ANK1: variants seen among roughly 807,000 people sequenced by gnomAD.
ANK1 encodes the protein ankyrin 1.
A neutral mutation model predicts 210.4 loss-of-function variants in ANK1; 51 were observed. The ratio of observed to expected loss-of-function variants is 0.24; its 90% confidence interval spans 0.19 to 0.31. The LOEUF is 0.31. ANK1 is among the 10% of genes least tolerant of loss of function. ANK1 has a pLI of 1.00. For synonymous variants in ANK1, 967 were observed against 1,025.9 expected, an observed-to-expected ratio of 0.94 and a Z score of 1.10; for missense variants, 2,051 against 2,504.4, an observed-to-expected ratio of 0.82 and a Z score of 3.86.
intron 2 of ANK1, among the ~76,000 whole-genome samples, chr8:41,743,776 A>C (rs1257428680): frequency 6.6e-6 from 1 of 152,064 alleles, no homozygotes; most frequent in African/African-American, 2.4e-5. Context: ...CTGGGCTGGA[A>C]CCAGAAATAT....
At chr8:41,782,629 T>A (rs1321218571) in intron 1 of ANK1, among the ~76,000 whole-genome samples, 1 of 152,194 alleles carries the variant, frequency 6.6e-6, no homozygotes, top group Non-Finnish European at 1.5e-5. Context: ...TTGAGAACTG[T>A]CTCAGGGGGT....
intron 1 of ANK1, among the ~76,000 whole-genome samples, chr8:41,766,656 G>T (rs1426220252): frequency 2.0e-5 from 3 of 152,166 alleles, no homozygotes; most frequent in Non-Finnish European, 4.4e-5. Context: ...GGAAGACCTG[G>T]CTGAGATGCA....
chr8:41,709,254 G>A (rs1480012349), intron 16 of ANK1, among the ~76,000 whole-genome samples: 1 of 152,228 alleles, frequency 6.6e-6, no homozygotes, highest in African/African-American at 2.4e-5. Flanking sequence ...AGAATAACAG[G>A]AAGGCTGGGT....
In ANK1 at chr8:41,684,611, G is replaced by C; in HGVS notation, c.4470C>G (p.Ser1490Arg). The C allele has an allele frequency of 6.2e-7, 1 of 1,613,870 alleles. No individual in the cohort carries two copies. Residue 1490 changes from serine (S) to arginine (R), a missense_variant, in exon 37 of 43, where the codon AGC becomes AGG. Around this residue, in one of 6 missense-constraint regions of ANK1, gnomAD observed 496 missense variants for 533.4 expected, o/e 0.93. Coordinates refer to ENST00000289734, the MANE Select transcript of ANK1 (RefSeq NM_000037.4). The part of the protein sequence containing the change: ...VNMLEGSGRQ[S>R]RNLKPDRRHT... ...GCCGCCTGTCTGGCTTCAAGTTGCG[G>C]CTCTGTCGGCCGGAACCCTCCAGCA...
intron 1 of ANK1, among the ~76,000 whole-genome samples, chr8:41,787,111 A>C (rs1846572897): frequency 6.6e-6 from 1 of 152,156 alleles, no homozygotes; most frequent in Non-Finnish European, 1.5e-5. Context: ...AGGGGACCAG[A>C]GGGTGAGGAG....
At chr8:41,724,433 G>T in intron 7 of ANK1, 23 bp downstream of exon 7, 2 of 1,545,098 alleles carry the variant, frequency 1.3e-6, no homozygotes, top group South Asian at 1.2e-5. Context: ...CGGACAGTGA[G>T]GGCGCACGTG....
In ANK1 at chr8:41,657,490, T is replaced by G. The variant is rs866372607; in HGVS notation, c.*37-1737A>C. On this transcript the variant is annotated intron_variant, in intron 42 of 42. Coordinates refer to ENST00000289734, the MANE Select transcript of ANK1 (RefSeq NM_000037.4). ...GTTACCGTCTCTGTCCATCTGTGCT[T>G]TTTGATGTCTGCATATTTCCCTGAC... Among the ~76,000 whole-genome samples the G allele has an allele frequency of 3.3e-5, 5 of 152,240 alleles. No individual in the cohort carries two copies. In the South Asian group the frequency reaches 1.0e-3, roughly 31 times the overall value.
At chr8:41,667,993 T>G (rs1297680543) in intron 39 of ANK1, among the ~76,000 whole-genome samples, 1 of 152,194 alleles carries the variant, frequency 6.6e-6, no homozygotes, top group African/African-American at 2.4e-5. Context: ...AGACCCAGCT[T>G]AGAGCCCACT....
chr8:41,732,913 T>C (rs1032434259), intron 3 of ANK1, among the ~76,000 whole-genome samples: 6 of 152,100 alleles, frequency 3.9e-5, no homozygotes, highest in African/African-American at 1.2e-4. Flanking sequence ...AATTTTTGTA[T>C]TTTTAGTAGA....
At chr8:41,701,834 A>T (rs1359008366) in intron 21 of ANK1, among the ~76,000 whole-genome samples, 3 of 151,920 alleles carry the variant, frequency 2.0e-5, no homozygotes, top group Non-Finnish European at 2.9e-5. Flanking sequence ...CATCCACTCC[A>T]CTGCTGCCCG....
At chr8:41,852,031 C>G (rs1327922973) in intron 1 of ANK1, among the ~76,000 whole-genome samples, 1 of 152,122 alleles carries the variant, frequency 6.6e-6, no homozygotes, top group Non-Finnish European at 1.5e-5. Flanking sequence ...CATTTTATAA[C>G]TGAGGAAACT....
chr8:41,716,804 A>G (rs1707270210), intron 13 of ANK1, 149 bp downstream of exon 13: 1 of 820,386 alleles, frequency 1.2e-6, no homozygotes, highest in South Asian at 1.4e-5. Flanking sequence ...TGCAAAGCAG[A>G]ATCTGGGCGC....
intron 2 of ANK1, among the ~76,000 whole-genome samples, chr8:41,744,167 C>T (rs521184): frequency 0.5 from 76,549 of 151,978 alleles, 21,106 homozygotes; most frequent in East Asian, 0.77. Context: ...CAGGTTGAAA[C>T]GAAGACAAAT....
chr8:41,744,696 A>G (rs1410243082), intron 2 of ANK1, among the ~76,000 whole-genome samples: 2 of 151,938 alleles, frequency 1.3e-5, no homozygotes, highest in Admixed American at 6.6e-5. Context: ...CACCACGCCC[A>G]GCTAATTTTT....
chr8:41,895,901 G>GCC (rs386412644), intron 1 of ANK1, among the ~76,000 whole-genome samples: 218 of 150,074 alleles, frequency 1.5e-3, no homozygotes, highest in African/African-American at 2.1e-3. Context: ...GGGCAGAGCT[G>GCC]CCCCCCCCCG....
At chr8:41,831,664 AAAAG>A (rs1421623798) in intron 1 of ANK1, among the ~76,000 whole-genome samples, 68 of 151,316 alleles carry the variant, frequency 4.5e-4, no homozygotes, top group African/African-American at 1.6e-3. Flanking sequence ...AAGAAGAAGA[AAAAG>A]AAAAAAGGAA....
intron 22 of ANK1, among the ~76,000 whole-genome samples, chr8:41,700,134 G>A (rs1440489556): frequency 1.3e-5 from 2 of 152,240 alleles, no homozygotes; most frequent in African/African-American, 4.8e-5. Flanking sequence ...TGCCACCCAG[G>A]AGTGAGCACC....
chr8:41,684,691 CTG>C lies in ANK1; in HGVS notation c.4391-3_4391-2del. ...TGCAGGGCTGTGTACAGATTCTCCACTGTGGGCGCAGAAGAGAGATGCACGTT... is the reference window on the plus strand; with the variant it reads ...TGCAGGGCTGTGTACAGATTCTCCACTGGGCGCAGAAGAGAGATGCACGTT... On this transcript the variant is annotated splice_acceptor_variant and splice_polypyrimidine_tract_variant and intron_variant, in intron 36 of 42. Coordinates refer to ENST00000289734, the MANE Select transcript of ANK1 (RefSeq NM_000037.4). LOFTEE classifies it high-confidence loss of function. The C allele has an allele frequency of 6.2e-7, 1 of 1,613,666 alleles. No individual in the cohort carries two copies.
At chr8:41,835,411 T>G (rs1268667154) in intron 1 of ANK1, among the ~76,000 whole-genome samples, 3 of 151,930 alleles carry the variant, frequency 2.0e-5, no homozygotes, top group Non-Finnish European at 4.4e-5. Context: ...GAGATCGTAT[T>G]ATTGCACTCC....
Sources: gnomAD v4.1 joint callset for allele counts (sites outside exome capture counted in the v4.1 genomes callset) on GRCh38, gnomAD v4.1.1 for gene constraint, gnomAD v4.1.1 regional missense constraint, MANE v1.5 for transcripts, NCBI Gene and HGNC (gene_info 2026-07-23, HGNC 2026-07-21) for gene names.